The following FAM184B variants were observed in gnomAD, a reference collection of about 807,000 sequenced individuals.
FAM184B encodes the protein family with sequence similarity 184 member B.
A neutral mutation model predicts 135.9 loss-of-function variants in FAM184B; 111 were observed. That is an observed-to-expected ratio of 0.82 (90% CI 0.70 to 0.96). FAM184B has a LOEUF of 0.96. Ranked by LOEUF, FAM184B falls within the 40% of genes least tolerant of loss-of-function variation. The pLI is 0.00. For synonymous variants in FAM184B, 552 were observed against 524.8 expected (o/e 1.05, Z -0.71); for missense variants, 1,375 against 1,323.9 (o/e 1.04, Z -0.60).
chr4:17,679,923 G>A (rs1716397455), intron 7 of FAM184B, among the ~76,000 whole-genome samples: 1 of 152,158 alleles, frequency 6.6e-6, no homozygotes, highest in Non-Finnish European at 1.5e-5. Flanking sequence ...AGTAACTCAG[G>A]AATGGAAAAC....
At chr4:17,687,896 G>A (rs1716623980) in intron 7 of FAM184B, among the ~76,000 whole-genome samples, 1 of 152,144 alleles carries the variant, frequency 6.6e-6, no homozygotes, top group African/African-American at 2.4e-5. Context: ...CCAAGTACAT[G>A]GTCATTCGTT....
At chr4:17,756,375 A>G (rs1045303234) in intron 1 of FAM184B, among the ~76,000 whole-genome samples, 1 of 152,224 alleles carries the variant, frequency 6.6e-6, no homozygotes, top group African/African-American at 2.4e-5. Context: ...AATAACTGCA[A>G]TGGATTGAAA....
chr4:17,660,156 C>T lies in FAM184B; in HGVS notation c.1695-69G>A, dbSNP rs998998355. ...AGGAATGACACTGCCACTCCGATAACGTGCCAGCCACTGTGCCTGGGAGGA... is the reference window on the plus strand; with the variant it reads ...AGGAATGACACTGCCACTCCGATAATGTGCCAGCCACTGTGCCTGGGAGGA... On this transcript the variant is annotated intron_variant, in intron 8 of 17. Coordinates refer to ENST00000265018, the MANE Select transcript of FAM184B (RefSeq NM_015688.2). 2.9e-5 allele frequency: 43 copies of T among 1,508,574 alleles called. No individual in the cohort carries two copies. In the African/African-American group the frequency reaches 3.5e-4, roughly 12 times the overall value. 93.4% of individuals were successfully genotyped at this position (1,508,574 alleles called of 1,614,324 possible).
intron 1 of FAM184B, among the ~76,000 whole-genome samples, chr4:17,765,994 G>A (rs749280228): frequency 2.0e-5 from 3 of 152,160 alleles, no homozygotes; most frequent in Non-Finnish European, 4.4e-5. Context: ...GCAGGTTCAT[G>A]ATCTAACTGG....
chr4:17,683,943 G>T (rs115292772), intron 7 of FAM184B, among the ~76,000 whole-genome samples: 2 of 151,540 alleles, frequency 1.3e-5, no homozygotes. Context: ...GGGCATGGTC[G>T]TGGGCACCTG....
Position 17,642,160 on chromosome 4 carries a change from G to A in FAM184B, c.2415C>T (p.Cys805=). 2.0e-6 allele frequency: 3 copies of A among 1,532,986 alleles called. No homozygotes were observed. The highest frequency in any genetic ancestry group is 1.9e-4 in the Middle Eastern group (1 of 5,312). The allele number at this position is 1,532,986 out of a possible 1,614,324, so 95.0% of individuals were successfully genotyped here. A position where few individuals can be genotyped will look rare whatever the true frequency, so the allele number is the denominator to read the frequency against. The change falls in exon 13 of 18, where the codon TGC becomes TGT. Residue 805 remains cysteine (C), a synonymous_variant. Coordinates refer to ENST00000265018, the MANE Select transcript of FAM184B (RefSeq NM_015688.2). ...GAAGQGSGEG[C]GLWEENAQLQ... is the part of the protein sequence containing the mutation. ...GCTGCGCGTTCTCCTCCCAGAGCCC[G>A]CATCCCTCGCCGGAACCCTGCCCAG...
In FAM184B at chr4:17,639,251, C is replaced by T. The variant is rs370211318; in HGVS notation, c.2665G>A (p.Glu889Lys). The T allele has an allele frequency of 1.1e-5, 17 of 1,551,482 alleles. No homozygotes were observed. Among genetic ancestry groups the T allele is most frequent in the Middle Eastern group, 1.7e-4 (1 of 6,012 alleles). ...LQARLAALEA[E>K]LKDSGEKPGK... ...CCTGGGGCCCGAGGCCTCACTTACT[C>T]GGCTTCCAGGGCAGCCAGCCGGGCC... is the stretch of plus-strand genomic sequence containing the variant. Residue 889 changes from glutamate to lysine, a missense_variant and splice_region_variant, in exon 14 of 18, where the codon GAA becomes AAA. By Grantham distance (56) the Glu-to-Lys change is moderately conservative. Coordinates refer to ENST00000265018, the MANE Select transcript of FAM184B (RefSeq NM_015688.2).
At chr4:17,771,957 C>T (rs1718828278) in intron 1 of FAM184B, among the ~76,000 whole-genome samples, 2 of 152,294 alleles carry the variant, frequency 1.3e-5, no homozygotes, top group African/African-American at 2.4e-5. Flanking sequence ...TTTCCCCCAA[C>T]TAAAGATGAG....
chr4:17,648,366 A>T (rs1459418119), intron 11 of FAM184B, among the ~76,000 whole-genome samples: 1 of 151,338 alleles, frequency 6.6e-6, no homozygotes, highest in African/African-American at 2.4e-5. Context: ...TTTTTTTTTG[A>T]GATGGAGTCT....
At chr4:17,740,225 G>A (rs747493081) in intron 1 of FAM184B, among the ~76,000 whole-genome samples, 5 of 151,802 alleles carry the variant, frequency 3.3e-5, no homozygotes, top group South Asian at 2.1e-4. Context: ...GGTAGCGGGC[G>A]CCTGTAATTC....
chr4:17,714,098 C>T (rs1182474650), intron 1 of FAM184B, among the ~76,000 whole-genome samples: 3 of 152,018 alleles, frequency 2.0e-5, no homozygotes, highest in Non-Finnish European at 4.4e-5. Flanking sequence ...TTGGGCTGCT[C>T]GACAGCACTT....
Position 17,636,554 on chromosome 4 carries a change from T to A in FAM184B, c.2758A>T (p.Arg920Ter), listed in dbSNP as rs936058789. The change falls in exon 15 of 18, where the codon AGA becomes TGA. Residue 920 changes from arginine (R) to a stop codon, truncating the protein, a stop_gained. Coordinates refer to ENST00000265018, the MANE Select transcript of FAM184B (RefSeq NM_015688.2). LOFTEE classifies it high-confidence loss of function. ...GTGAGCTGCTTGATGATGTCCTCTC[T>A]CTCCTTCAGGCGGGTCTGCAGGCGG... The part of the protein sequence containing the change: ...IGRLQTRLKE[R>*]EDIIKQLTEE... The A allele has an allele frequency of 1.3e-6, 2 of 1,550,812 alleles. No homozygotes were observed. The highest frequency in any genetic ancestry group is 8.7e-7 in the Non-Finnish European group (1 of 1,146,908).
chr4:17,680,451 C>T (rs183256721), intron 7 of FAM184B, among the ~76,000 whole-genome samples: 19 of 152,160 alleles, frequency 1.2e-4, no homozygotes, highest in African/African-American at 4.3e-4. Context: ...AACCAGACAC[C>T]ACCTGTTCCC....
At position 17,681,968 on chromosome 4, in the gene FAM184B, A is replaced by G. The variant is rs1173294282; in HGVS notation, c.1596+6456T>C. ...TTGTAACAGGTTAGTATTTAAGGAAATAGTTATTTCTCCCATTTGAAATGT... is the reference window on the plus strand; with the variant it reads ...TTGTAACAGGTTAGTATTTAAGGAAGTAGTTATTTCTCCCATTTGAAATGT... On this transcript the variant is annotated intron_variant, in intron 7 of 17. Transcript: ENST00000265018. 2.0e-5 allele frequency among the ~76,000 whole-genome samples: 3 copies of G among 152,222 alleles called. No individual in the cohort carries two copies. The East Asian group carries it at 5.8e-4, about 29-fold the overall frequency.
At chr4:17,743,162 T>G (rs1031593590) in intron 1 of FAM184B, among the ~76,000 whole-genome samples, 2 of 152,280 alleles carry the variant, frequency 1.3e-5, no homozygotes, top group East Asian at 3.9e-4. Flanking sequence ...TCCTGTCTCA[T>G]CGAGACCCTG....
At chr4:17,755,607 G>T (rs1329319007) in intron 1 of FAM184B, among the ~76,000 whole-genome samples, 1 of 152,140 alleles carries the variant, frequency 6.6e-6, no homozygotes, top group Non-Finnish European at 1.5e-5. Context: ...ATATGTACAT[G>T]CATATGTTCA....
At chr4:17,742,159 TA>T (rs1560190694) in intron 1 of FAM184B, among the ~76,000 whole-genome samples, 10,832 of 114,608 alleles carry the variant, frequency 0.095, 503 homozygotes, top group Middle Eastern at 0.14. Context: ...TATATATATA[TA>T]TATATATATT....
At chr4:17,698,372 A>G (rs930869633) in intron 5 of FAM184B, among the ~76,000 whole-genome samples, 1 of 152,160 alleles carries the variant, frequency 6.6e-6, no homozygotes, top group African/African-American at 2.4e-5. Flanking sequence ...ATTGTCTACA[A>G]TTACAGGTAA....
chr4:17,656,415 G>A (rs1211741705), intron 10 of FAM184B, among the ~76,000 whole-genome samples: 1 of 151,968 alleles, frequency 6.6e-6, no homozygotes, highest in South Asian at 2.1e-4. Flanking sequence ...TTTTTGCTTT[G>A]TTTTGAGACG....
Sources: allele counts gnomAD v4.1 joint callset (sites outside exome capture counted in the v4.1 genomes callset), GRCh38; gene constraint gnomAD v4.1.1; transcripts MANE v1.5; gene names NCBI Gene and HGNC (gene_info 2026-07-23, HGNC 2026-07-21).